The following DCLK3 variants were observed in gnomAD, a reference collection of about 807,000 sequenced individuals.
DCLK3 encodes the protein serine/threonine-protein kinase DCLK3.
Under a neutral mutation model 46.4 loss-of-function variants are expected in DCLK3, and 30 were observed. The ratio of observed to expected loss-of-function variants is 0.65; its 90% CI spans 0.48 to 0.88. The LOEUF (loss-of-function observed/expected upper bound fraction) is 0.88. DCLK3 is among the 40% of genes least tolerant of loss of function. DCLK3 has a pLI of 0.00. For missense variants in DCLK3, 846 were observed against 907.1 expected (o/e 0.93, Z 0.87); for synonymous variants, 401 against 339.2 (o/e 1.18, Z -2.00).
At chr3:36,736,244 T>A (rs1006606841) in intron 2 of DCLK3, among the ~76,000 whole-genome samples, 1 of 152,178 alleles carries the variant, frequency 6.6e-6, no homozygotes. Context: ...CTGGGCTGGA[T>A]AGTGTCAGCA....
chr3:36,756,201 G>A (rs988216175), intron 1 of DCLK3, among the ~76,000 whole-genome samples: 2 of 152,202 alleles, frequency 1.3e-5, no homozygotes, highest in Non-Finnish European at 2.9e-5. Flanking sequence ...AGTTCTGCTG[G>A]GAACCTCTGG....
chr3:36,744,916 A>C (rs1211020915), intron 1 of DCLK3, among the ~76,000 whole-genome samples: 1 of 152,242 alleles, frequency 6.6e-6, no homozygotes, highest in Non-Finnish European at 1.5e-5. Context: ...GGGGTGAGCC[A>C]ATAAACTCAG....
intron 1 of DCLK3, among the ~76,000 whole-genome samples, chr3:36,746,716 C>T (rs780821920): frequency 6.6e-6 from 1 of 152,260 alleles, no homozygotes; most frequent in South Asian, 2.1e-4. Context: ...TTTTTCCCTG[C>T]TGTCACTGAC....
intron 4 of DCLK3, among the ~76,000 whole-genome samples, chr3:36,716,726 G>T (rs544361892): frequency 9.7e-4 from 148 of 152,356 alleles, no homozygotes; most frequent in African/African-American, 3.4e-3. Context: ...CCCTAAGGAA[G>T]TGATCTAGAA....
rs1170859843 is a variant in DCLK3, at chr3:36,730,142, C to G, written c.1959+7066G>C. The stretch of plus-strand genomic sequence containing the variant: ...GCTGAGATCACACCACTGCACCCAG[C>G]CTGGGTGACAGAGTCAGACTGTCTC... On this transcript the variant is annotated intron_variant, in intron 2 of 4. Transcript: ENST00000636136. Among the ~76,000 whole-genome samples, 3 of 151,560 alleles carry G rather than the reference C, an allele frequency of 2.0e-5. No individual in the cohort carries two copies. In the East Asian group the frequency reaches 5.8e-4, roughly 29 times the overall value.
Position 36,738,397 on chromosome 3 carries a change from C to A in DCLK3, c.770G>T (p.Arg257Ile). ...KIPEELSLDD[R>I]ARTQKKWGRG... is the part of the protein sequence containing the mutation. ...CCCCCACTTCTTCTGGGTCCTCGCT[C>A]TGTCATCTAGTGAAAGCTCCTCGGG... Residue 257 changes from arginine (R) to isoleucine (I), a missense_variant, in exon 2 of 5, where the codon AGA (arginine) becomes ATA (isoleucine). By Grantham distance (97) the Arg-to-Ile change is moderately conservative. This residue lies in a region of DCLK3 where 553 missense variants were observed against 543.0 expected (regional missense o/e 1.02). Transcript: ENST00000636136. 6.7e-7 allele frequency: 1 copy of A among 1,494,946 alleles called. No individual in the cohort carries two copies. Among genetic ancestry groups the A allele is most frequent in the Non-Finnish European group, 8.9e-7 (1 of 1,125,120 alleles). The allele number at this position is 1,494,946 out of a possible 1,614,324, so 92.6% of individuals were successfully genotyped here. A position where few individuals can be genotyped will look rare whatever the true frequency, so the allele number is the denominator to read the frequency against.
chr3:36,722,866 G>T (rs1355924723), intron 2 of DCLK3, among the ~76,000 whole-genome samples: 1 of 152,124 alleles, frequency 6.6e-6, no homozygotes, highest in Admixed American at 6.6e-5. Flanking sequence ...CATGAAAATG[G>T]ACTAATACAG....
rs879906950 is a variant in DCLK3, at chr3:36,714,864, ATT to A, written c.*462_*463del. ...AGGAGATATGCCTGAACTATAATTC[ATT>A]TTTGAATTTTTGTGCTGTCATCACC... On this transcript the variant is annotated 3_prime_UTR_variant, in exon 5 of 5. Coordinates refer to ENST00000636136, the MANE Select transcript of DCLK3 (RefSeq NM_001394672.2). 114,046 of 155,684 alleles carry A rather than the reference ATT, an allele frequency of 0.73. 42,117 individuals carry two copies. The highest frequency in any genetic ancestry group is 0.82 in the South Asian group (4,182 of 5,088). The allele number at this position is 155,684 out of a possible 1,614,324, so 9.6% of individuals were successfully genotyped here. A position where few individuals can be genotyped will look rare whatever the true frequency, so the allele number is the denominator to read the frequency against.
At chr3:36,728,490 G>A (rs1311906880) in intron 2 of DCLK3, among the ~76,000 whole-genome samples, 4 of 152,146 alleles carry the variant, frequency 2.6e-5, no homozygotes, top group Non-Finnish European at 5.9e-5. Context: ...GGCTTGGATA[G>A]AACGAAAGTA....
chr3:36,728,210 G>A (rs1397572959), intron 2 of DCLK3, among the ~76,000 whole-genome samples: 1 of 152,186 alleles, frequency 6.6e-6, no homozygotes, highest in African/African-American at 2.4e-5. Flanking sequence ...CAGTGATGCT[G>A]AATAAGAACG....
At chr3:36,717,297 C>A (rs1209809272) in intron 4 of DCLK3, among the ~76,000 whole-genome samples, 1 of 152,062 alleles carries the variant, frequency 6.6e-6, no homozygotes, top group Non-Finnish European at 1.5e-5. Context: ...GAAGGGGTAT[C>A]GCCAGTTGCC....
intron 2 of DCLK3, among the ~76,000 whole-genome samples, chr3:36,728,852 G>T (rs765598437): frequency 1.3e-5 from 2 of 152,094 alleles, no homozygotes; most frequent in Non-Finnish European, 2.9e-5. Flanking sequence ...AATCCTTACA[G>T]GACCTGTTCT....
At position 36,754,995 on chromosome 3, in the gene DCLK3, T is replaced by C. The variant is rs368554570; in HGVS notation, c.82+9187A>G. 3.4e-4 allele frequency among the ~76,000 whole-genome samples: 52 copies of C among 152,362 alleles called. 1 individual carries two copies. In the South Asian group the frequency reaches 0.011, roughly 31 times the overall value. ...TTCTATATGTATAGTGAAGCTTATA[T>C]GTACATACAAGCTTTTGACATAACT... On this transcript the variant is annotated intron_variant, in intron 1 of 4. Transcript: ENST00000636136.
In DCLK3 at chr3:36,737,394, T is replaced by C. The variant is rs1701277413; in HGVS notation, c.1773A>G (p.Glu591=). ...GGATCAGGTAGATTTCCATGTCTGT[T>C]TCGTAGACTTCATGCAATTTCACGA... The part of the protein sequence containing the change: ...PNIVKLHEVY[E]TDMEIYLILE... The change falls in exon 2 of 5, where the codon GAA becomes GAG. Residue 591 remains glutamate (E), a synonymous_variant. Coordinates refer to ENST00000636136, the MANE Select transcript of DCLK3 (RefSeq NM_001394672.2). This position sits in a 1 kb window ranked among gnomAD's most constrained non-coding sequence, Gnocchi z 4.4. 3 of 1,614,194 alleles carry C rather than the reference T, an allele frequency of 1.9e-6. No individual in the cohort carries two copies. Among genetic ancestry groups the C allele is most frequent in the Non-Finnish European group, 8.5e-7 (1 of 1,180,024 alleles).
intron 1 of DCLK3, among the ~76,000 whole-genome samples, chr3:36,758,087 T>C (rs1267185711): frequency 6.6e-6 from 1 of 152,148 alleles, no homozygotes; most frequent in Non-Finnish European, 1.5e-5. Flanking sequence ...ATAAAGCTGG[T>C]CATCTATGTC....
At chr3:36,753,318 T>C (rs2125537408) in intron 1 of DCLK3, among the ~76,000 whole-genome samples, 1 of 152,338 alleles carries the variant, frequency 6.6e-6, no homozygotes, top group South Asian at 2.1e-4. Flanking sequence ...GTATGTTTTT[T>C]CTTTGATTGT....
chr3:36,745,695 G>GA (rs1288320085), intron 1 of DCLK3, among the ~76,000 whole-genome samples: 1 of 152,196 alleles, frequency 6.6e-6, no homozygotes, highest in Non-Finnish European at 1.5e-5. Context: ...GGAAGATAGA[G>GA]AAAGACTGGC....
chr3:36,758,455 C>T (rs146067569), intron 1 of DCLK3, among the ~76,000 whole-genome samples: 1 of 152,264 alleles, frequency 6.6e-6, no homozygotes, highest in Non-Finnish European at 1.5e-5. Flanking sequence ...AGGGCTCTAC[C>T]TTAAAGAATG....
intron 2 of DCLK3, among the ~76,000 whole-genome samples, chr3:36,723,397 C>T (rs1373523219): frequency 1.3e-5 from 2 of 152,340 alleles, no homozygotes; most frequent in South Asian, 2.1e-4. Flanking sequence ...TTAAAGCCGG[C>T]TGCAGAAATT....
Sources: allele counts gnomAD v4.1 joint callset (sites outside exome capture counted in the v4.1 genomes callset), GRCh38; gene constraint gnomAD v4.1.1; regional missense constraint gnomAD v4.1.1; non-coding constraint Gnocchi (gnomAD v3.1); transcripts MANE v1.5; gene names NCBI Gene and HGNC (gene_info 2026-07-23, HGNC 2026-07-21).